Variants in WWOX observed in about 807,000 individuals in gnomAD.
The protein encoded by WWOX is WW domain-containing oxidoreductase.
WWOX carries 69 observed loss-of-function variants against 46.2 expected under a neutral mutation model. That is an observed-to-expected ratio of 1.49 (90% CI 1.23 to 1.82). The LOEUF is 1.82. Ranked by LOEUF, WWOX falls within the 40% of genes most tolerant of loss-of-function variation. The pLI, the probability that WWOX is intolerant of heterozygous loss-of-function variation, is 0.00. For missense variants in WWOX, 919 were observed against 542.6 expected (o/e 1.69, Z -6.89); for synonymous variants, 359 against 202.6 (o/e 1.77, Z -6.56).
At chr16:79,043,067 C>A (rs933169964) in intron 8 of WWOX, among the ~76,000 whole-genome samples, 6 of 152,116 alleles carry the variant, frequency 3.9e-5, no homozygotes, top group Non-Finnish European at 2.9e-5. Context: ...TCCCATCATA[C>A]CTGGGCACTG....
chr16:78,608,121 C>T (rs2045807041), intron 8 of WWOX, among the ~76,000 whole-genome samples: 1 of 152,150 alleles, frequency 6.6e-6, no homozygotes, highest in Non-Finnish European at 1.5e-5. Flanking sequence ...TTCTCCAAGC[C>T]TGAGAGTGCC....
chr16:78,927,140 C>G (rs527554600), intron 8 of WWOX, among the ~76,000 whole-genome samples: 1 of 152,302 alleles, frequency 6.6e-6, no homozygotes, highest in East Asian at 1.9e-4. Context: ...GATGGTTTCT[C>G]CAGCCTGAGT....
intron 8 of WWOX, among the ~76,000 whole-genome samples, chr16:78,788,930 G>C (rs558923644): frequency 6.6e-6 from 1 of 152,182 alleles, no homozygotes; most frequent in Non-Finnish European, 1.5e-5. Context: ...GGGGAAAGTT[G>C]AGTTGTAAAA....
intron 8 of WWOX, among the ~76,000 whole-genome samples, chr16:78,566,365 A>T (rs2044566112): frequency 6.6e-6 from 1 of 152,184 alleles, no homozygotes. Context: ...TTCAGAAAAT[A>T]GCAAGTATAG....
intron 4 of WWOX, among the ~76,000 whole-genome samples, chr16:78,150,761 C>G (rs934111567): frequency 3.3e-5 from 5 of 152,200 alleles, no homozygotes; most frequent in Non-Finnish European, 5.9e-5. Context: ...AAGTCAATCT[C>G]CAGCCCCTCC....
chr16:78,606,303 A>G (rs1035760059), intron 8 of WWOX, among the ~76,000 whole-genome samples: 15 of 152,292 alleles, frequency 9.8e-5, no homozygotes, highest in African/African-American at 3.4e-4. Context: ...AAAATTTTAC[A>G]TCATTTTAAA....
intron 8 of WWOX, among the ~76,000 whole-genome samples, chr16:78,437,318 T>G (rs368757575): frequency 9.9e-5 from 15 of 152,226 alleles, no homozygotes; most frequent in African/African-American, 3.6e-4. Context: ...AGTGCCTCTT[T>G]AAGGAATATT....
intron 8 of WWOX, among the ~76,000 whole-genome samples, chr16:78,532,010 ATTAG>A (rs1404677269): frequency 1.3e-5 from 2 of 151,664 alleles, no homozygotes; most frequent in African/African-American, 2.4e-5. Flanking sequence ...TGGGCGGGAG[ATTAG>A]TTAGAGACAG....
chr16:79,095,789 A>T (rs2049055400), intron 8 of WWOX, among the ~76,000 whole-genome samples: 1 of 150,976 alleles, frequency 6.6e-6, no homozygotes, highest in Admixed American at 6.6e-5. Context: ...CAGAAAGCCG[A>T]CTTCACCCTT....
At position 78,262,564 on chromosome 16, in the gene WWOX, C is replaced by A. The variant is rs548409616; in HGVS notation, c.516+98275C>A. On this transcript the variant is annotated intron_variant, in intron 5 of 8. Transcript: ENST00000566780. ...TCCTGTGGACACCAGAGATGACAGG[C>A]CCCTGTCCCCAGCTTACCATCCAGC... Among the ~76,000 whole-genome samples, 12 of 152,298 alleles carry A rather than the reference C, an allele frequency of 7.9e-5. No individual in the cohort carries two copies. In the East Asian group the frequency reaches 2.3e-3, roughly 29 times the overall value.
chr16:78,599,095 C>A lies in WWOX; in HGVS notation c.1056+166343C>A, dbSNP rs566815311. On this transcript the variant is annotated intron_variant, in intron 8 of 8. Coordinates refer to ENST00000566780, the MANE Select transcript of WWOX (RefSeq NM_016373.4). ...TGTCAGGAAGGTGTCCGATCAGAAC[C>A]TGAATGCCAGCTCAAGCTGCTCTCA... 2.0e-5 allele frequency among the ~76,000 whole-genome samples: 3 copies of A among 152,302 alleles called. No homozygotes were observed. In the South Asian group the frequency reaches 6.2e-4, roughly 32 times the overall value.
intron 8 of WWOX, among the ~76,000 whole-genome samples, chr16:78,577,795 T>C (rs1348054053): frequency 1.3e-5 from 2 of 152,184 alleles, no homozygotes; most frequent in African/African-American, 4.8e-5. Context: ...TGCTAGGTAA[T>C]GTCAATGACA....
chr16:78,984,923 T>C (rs1482633507), intron 8 of WWOX, among the ~76,000 whole-genome samples: 3 of 152,028 alleles, frequency 2.0e-5, no homozygotes, highest in Non-Finnish European at 4.4e-5. Flanking sequence ...ATCAAGGTTC[T>C]GGTGTTGAAG....
intron 8 of WWOX, among the ~76,000 whole-genome samples, chr16:78,679,848 T>C (rs1209897041): frequency 6.6e-6 from 1 of 152,206 alleles, no homozygotes; most frequent in Non-Finnish European, 1.5e-5. Flanking sequence ...TTAGGGGCCA[T>C]GCTGTCATTG....
intron 8 of WWOX, among the ~76,000 whole-genome samples, chr16:78,736,434 T>C (rs1221977122): frequency 1.3e-5 from 2 of 152,166 alleles, no homozygotes; most frequent in African/African-American, 4.8e-5. Context: ...CACCAACAGC[T>C]TCTGCTTCTT....
chr16:78,513,535 G>A (rs1182590011), intron 8 of WWOX, among the ~76,000 whole-genome samples: 1 of 152,090 alleles, frequency 6.6e-6, no homozygotes, highest in Non-Finnish European at 1.5e-5. Context: ...TCCACCTTGG[G>A]TTCAATTCAA....
At position 79,202,035 on chromosome 16, in the gene WWOX, G is replaced by A. The variant is rs369956619; in HGVS notation, c.1057-9573G>A. On this transcript the variant is annotated intron_variant, in intron 8 of 8. Coordinates refer to ENST00000566780, the MANE Select transcript of WWOX (RefSeq NM_016373.4). ...AGAGATTGACAAACTATGGCCTGCC[G>A]GCTAAATCTGGCCCAGTGCCTTTTT... Among the ~76,000 whole-genome samples, 31 of 150,960 alleles carry A rather than the reference G, an allele frequency of 2.1e-4. No homozygotes were observed. The South Asian group carries it at 6.0e-3, about 29-fold the overall frequency.
chr16:78,944,562 A>G (rs2045913598), intron 8 of WWOX, among the ~76,000 whole-genome samples: 4 of 152,178 alleles, frequency 2.6e-5, no homozygotes, highest in Non-Finnish European at 5.9e-5. Flanking sequence ...TGAGTTTCGT[A>G]CACATCTATG....
At chr16:78,511,552 G>A (rs187224300) in intron 8 of WWOX, among the ~76,000 whole-genome samples, 2 of 152,172 alleles carry the variant, frequency 1.3e-5, no homozygotes, top group African/African-American at 4.8e-5. Context: ...ATGGATTCGA[G>A]TGATTACAGC....
Sources: allele counts gnomAD v4.1 joint callset (sites outside exome capture counted in the v4.1 genomes callset), GRCh38; gene constraint gnomAD v4.1.1; transcripts MANE v1.5; gene names NCBI Gene and HGNC (gene_info 2026-07-23, HGNC 2026-07-21).